Variants in SPMIP2 observed in about 807,000 individuals in gnomAD.
SPMIP2 encodes sperm microtubule inner protein 2.
the SPMIP2 span, among the ~76,000 whole-genome samples, chr4:158,926,616 C>T: frequency 1.3e-5 from 2 of 152,010 alleles, no homozygotes; most frequent in South Asian, 2.1e-4. Context: ...TCCATGAGCA[C>T]TTGAAAAGAA....
At chr4:159,018,444 A>G in the SPMIP2 span, among the ~76,000 whole-genome samples, 1 of 152,218 alleles carries the variant, frequency 6.6e-6, no homozygotes, top group Non-Finnish European at 1.5e-5. Flanking sequence ...TGGCAAGCTC[A>G]GTCCAGCTAA....
chr4:158,915,049 G>A, the SPMIP2 span: 2 of 835,786 alleles, frequency 2.4e-6, no homozygotes, highest in East Asian at 2.7e-5. Flanking sequence ...AAAATGCTTC[G>A]ATAGGTTAAA....
the SPMIP2 span, chr4:158,972,979 T>C: frequency 1.3e-6 from 1 of 782,382 alleles, no homozygotes; most frequent in Non-Finnish European, 2.0e-6. Context: ...TATGTCTCAA[T>C]GAGAAATCAA....
chr4:158,896,649 G>A, the SPMIP2 span, among the ~76,000 whole-genome samples: 10 of 152,068 alleles, frequency 6.6e-5, no homozygotes, highest in Admixed American at 5.2e-4. Context: ...CACCCAGAAT[G>A]TGACGCCTGT....
the SPMIP2 span, among the ~76,000 whole-genome samples, chr4:159,005,469 C>T: frequency 6.6e-6 from 1 of 151,916 alleles, no homozygotes; most frequent in Non-Finnish European, 1.5e-5. Context: ...ATAACAACAA[C>T]AAAAAACCAT....
At chr4:159,063,393 T>A in the SPMIP2 span, among the ~76,000 whole-genome samples, 1 of 151,770 alleles carries the variant, frequency 6.6e-6, no homozygotes, top group Non-Finnish European at 1.5e-5. Flanking sequence ...ACGCCTTCTC[T>A]ATAAAAATTA....
At chr4:159,044,391 A>T in the SPMIP2 span, among the ~76,000 whole-genome samples, 1 of 147,662 alleles carries the variant, frequency 6.8e-6, no homozygotes, top group African/African-American at 2.5e-5. Context: ...AAAAAAAAAG[A>T]GAGAAAGAAA....
the SPMIP2 span, among the ~76,000 whole-genome samples, chr4:159,000,496 T>TC: frequency 2.1e-4 from 30 of 145,078 alleles, no homozygotes; most frequent in Admixed American, 4.1e-4. Context: ...TTCTTCTTCT[T>TC]TTTTTTTTTT....
At chr4:159,026,799 A>T in the SPMIP2 span, among the ~76,000 whole-genome samples, 28,834 of 151,506 alleles carry the variant, frequency 0.19, 3,248 homozygotes, top group African/African-American at 0.32. Context: ...AATTAAATAA[A>T]GCCATGGAAA....
chr4:159,025,293 T>C, the SPMIP2 span, among the ~76,000 whole-genome samples: 1 of 152,180 alleles, frequency 6.6e-6, no homozygotes, highest in Non-Finnish European at 1.5e-5. Flanking sequence ...GCCTTCCAAG[T>C]AGCTGGGATT....
the SPMIP2 span, among the ~76,000 whole-genome samples, chr4:159,070,483 C>A: frequency 6.6e-6 from 1 of 152,198 alleles, no homozygotes; most frequent in Non-Finnish European, 1.5e-5. Flanking sequence ...TTGACCTACA[C>A]AAACTAAACT....
chr4:159,041,870 T>C, the SPMIP2 span, among the ~76,000 whole-genome samples: 1 of 152,258 alleles, frequency 6.6e-6, no homozygotes, highest in African/African-American at 2.4e-5. Context: ...CACAGAATTA[T>C]TACCCTGATT....
the SPMIP2 span, among the ~76,000 whole-genome samples, chr4:158,961,985 A>G: frequency 1.3e-5 from 2 of 152,154 alleles, no homozygotes; most frequent in African/African-American, 2.4e-5. Context: ...TTCTATCTTA[A>G]ATCAGTGAGA....
the SPMIP2 span, among the ~76,000 whole-genome samples, chr4:158,949,656 A>G: frequency 6.6e-6 from 1 of 152,206 alleles, no homozygotes; most frequent in Non-Finnish European, 1.5e-5. Context: ...GCTTCCTTCC[A>G]GCAAAACTTT....
chr4:159,004,006 T>G, the SPMIP2 span, among the ~76,000 whole-genome samples: 4 of 151,486 alleles, frequency 2.6e-5, no homozygotes, highest in Non-Finnish European at 5.9e-5. Flanking sequence ...CCATTTTGGG[T>G]TTTTTTTGTT....
chr4:158,946,438 T>C, the SPMIP2 span, among the ~76,000 whole-genome samples: 4 of 152,058 alleles, frequency 2.6e-5, no homozygotes, highest in Non-Finnish European at 5.9e-5. Flanking sequence ...TGGGAGGTGA[T>C]TGGATCATGG....
At chr4:158,909,871 C>A in the SPMIP2 span, among the ~76,000 whole-genome samples, 2 of 152,032 alleles carry the variant, frequency 1.3e-5, no homozygotes, top group Admixed American at 6.6e-5. Context: ...TGAAACCCTG[C>A]CTCTACTAAA....
At chr4:158,958,649 T>G in the SPMIP2 span, among the ~76,000 whole-genome samples, 1 of 152,174 alleles carries the variant, frequency 6.6e-6, no homozygotes, top group African/African-American at 2.4e-5. Context: ...GACTCAGCAC[T>G]AACCTTTGCC....
the SPMIP2 span, among the ~76,000 whole-genome samples, chr4:158,994,341 T>G: frequency 7.2e-5 from 11 of 152,220 alleles, no homozygotes; most frequent in Non-Finnish European, 1.0e-4. Flanking sequence ...AGGCAAGCAC[T>G]TCTTTAAATT....
Sources: gnomAD v4.1 joint callset for allele counts (sites outside exome capture counted in the v4.1 genomes callset) on GRCh38, gnomAD v4.1.1 for gene constraint, MANE v1.5 for transcripts, NCBI Gene and HGNC (gene_info 2026-07-23, HGNC 2026-07-21) for gene names.